CABLES1: variants seen among roughly 807,000 people sequenced by gnomAD.
CABLES1 encodes the protein CDK5 and ABL1 enzyme substrate 1.
CABLES1 carries 36 observed loss-of-function variants against 57.8 expected under a neutral mutation model. That is an observed-to-expected ratio of 0.62 (90% confidence interval 0.48 to 0.82). The LOEUF is 0.82. Among genes scored for constraint, CABLES1 ranks in the 40% least tolerant of loss-of-function variants. The probability of loss-of-function intolerance (pLI) is 0.00; values close to 1 mark genes in which losing one functional copy is unlikely to be tolerated. For synonymous variants in CABLES1, 374 were observed against 363.0 expected, an observed-to-expected ratio of 1.03 and a Z score of -0.35; for missense variants, 767 against 836.6, an observed-to-expected ratio of 0.92 and a Z score of 1.03.
At chr18:23,223,519 A>G (rs1474831455) in intron 4 of CABLES1, among the ~76,000 whole-genome samples, 1 of 149,440 alleles carries the variant, frequency 6.7e-6, no homozygotes, top group Non-Finnish European at 1.5e-5. Flanking sequence ...TGGAGGTTGC[A>G]GTGAGCCGAG....
Position 23,257,332 on chromosome 18 carries a change from A to G in CABLES1, c.1867A>G (p.Met623Val), listed in dbSNP as rs376909570. Reference sequence around the variant, plus strand: ...CCTCCACTTGCCCGAGCACGAAGTCATGCCCCACTACAGACGGCTGGTCCA... The same window carrying G: ...CCTCCACTTGCCCGAGCACGAAGTCGTGCCCCACTACAGACGGCTGGTCCA... ...FALHLPEHEV[M>V]PHYRRLVQSS Residue 623 changes from methionine to valine, a missense_variant, in exon 10 of 10, where the codon ATG (methionine) becomes GTG (valine). Around this residue, in one of 4 missense-constraint regions of CABLES1, gnomAD observed 25 missense variants for 23.1 expected, o/e 1.08. Coordinates refer to ENST00000256925, the MANE Select transcript of CABLES1 (RefSeq NM_001100619.3). 3.1e-6 allele frequency: 5 copies of G among 1,613,496 alleles called. No individual in the cohort carries two copies. Among genetic ancestry groups the G allele is most frequent in the Non-Finnish European group, 4.2e-6 (5 of 1,179,892 alleles).
At chr18:23,155,964 GA>G in intron 1 of CABLES1, 1 of 1,614,222 alleles carries the variant, frequency 6.2e-7, no homozygotes, top group Admixed American at 1.7e-5. Flanking sequence ...TAAGTTGTCA[GA>G]GGATCGCCTG....
chr18:23,181,420 C>G (rs188634427), intron 1 of CABLES1, among the ~76,000 whole-genome samples: 1 of 126,750 alleles, frequency 7.9e-6, no homozygotes, highest in Non-Finnish European at 1.6e-5. Context: ...TGCTTGAACC[C>G]GGGAGGTAGA....
At chr18:23,194,579 G>A (rs774907328) in intron 3 of CABLES1, 39 bp downstream of exon 3, 1 of 1,340,404 alleles carries the variant, frequency 7.5e-7, no homozygotes, top group Non-Finnish European at 1.1e-6. Flanking sequence ...AGCACCAGTG[G>A]GTGGAGACAG....
At chr18:23,210,376 T>C (rs1269146397) in intron 3 of CABLES1, among the ~76,000 whole-genome samples, 1 of 152,178 alleles carries the variant, frequency 6.6e-6, no homozygotes, top group African/African-American at 2.4e-5. Context: ...ACCGCCGTGG[T>C]TGGAGGCAAA....
chr18:23,235,810 G>T, intron 5 of CABLES1, 85 bp from the exon 6 acceptor site: 1 of 1,287,444 alleles, frequency 7.8e-7, no homozygotes, highest in South Asian at 1.3e-5. Flanking sequence ...ACCTGAATGT[G>T]GGGTGACAAC....
chr18:23,173,429 A>G (rs903389900), intron 1 of CABLES1, among the ~76,000 whole-genome samples: 1 of 152,234 alleles, frequency 6.6e-6, no homozygotes, highest in Admixed American at 6.5e-5. Flanking sequence ...AAGCTTCAGT[A>G]AAAGGAAATT....
chr18:23,136,646 C>T (rs772023920), intron 1 of CABLES1, 39 bp downstream of exon 1: 27 of 1,262,536 alleles, frequency 2.1e-5, no homozygotes, highest in Non-Finnish European at 2.8e-5. Context: ...AACCCTGCGT[C>T]CCGCCCGGCG....
chr18:23,223,302 G>C (rs75226306), intron 4 of CABLES1, among the ~76,000 whole-genome samples: 6,893 of 152,160 alleles, frequency 0.045, 559 homozygotes, highest in Admixed American at 0.21. Context: ...ATTTTTGGTT[G>C]GGTGCGGTGG....
At position 23,135,867 on chromosome 18, in the gene CABLES1, C is replaced by CCAGCCT; in HGVS notation, c.111_116dup (p.Gln38_Pro39dup). The CCAGCCT allele has an allele frequency of 9.8e-7, 1 of 1,024,562 alleles. No individual in the cohort carries two copies. The highest frequency in any genetic ancestry group is 4.3e-5 in the South Asian group (1 of 23,152). 63.5% of individuals were successfully genotyped at this position (1,024,562 alleles called of 1,614,324 possible). ...GATTGCAGCAGCCGCCGCCGCAGCC[C>CCAGCCT]CAGCCTCAGCCCGCGGCCGCCGCGC... On this transcript the variant is annotated inframe_insertion, in exon 1 of 10. Coordinates refer to ENST00000256925, the MANE Select transcript of CABLES1 (RefSeq NM_001100619.3).
At chr18:23,182,641 C>T (rs562273633) in intron 1 of CABLES1, among the ~76,000 whole-genome samples, 9 of 152,354 alleles carry the variant, frequency 5.9e-5, no homozygotes, top group South Asian at 2.1e-4. Flanking sequence ...CATCAATCTA[C>T]GCTACTTTCT....
chr18:23,151,580 A>G (rs1481860256), intron 1 of CABLES1, among the ~76,000 whole-genome samples: 2 of 152,152 alleles, frequency 1.3e-5, no homozygotes, highest in Non-Finnish European at 2.9e-5. Context: ...CTCTTGAGTA[A>G]TCCACCGACA....
intron 1 of CABLES1, among the ~76,000 whole-genome samples, chr18:23,178,993 A>G (rs1430539248): frequency 2.6e-5 from 4 of 152,170 alleles, no homozygotes; most frequent in Non-Finnish European, 5.9e-5. Flanking sequence ...CAGATTCAAA[A>G]CCAGTTTCTT....
In CABLES1 at chr18:23,252,998, G is replaced by T; in HGVS notation, c.1485G>T (p.Lys495Asn). 4.3e-6 allele frequency: 7 copies of T among 1,613,816 alleles called. No homozygotes were observed. The highest frequency in any genetic ancestry group is 5.9e-6 in the Non-Finnish European group (7 of 1,179,742). Reference sequence around the variant, plus strand: ...ACTACGTGAAGCCCTCGGATCTCAAGAAGGACATGAACGAGACCTTCAAGG... The same window carrying T: ...ACTACGTGAAGCCCTCGGATCTCAATAAGGACATGAACGAGACCTTCAAGG... ...VIDYVKPSDLKKDMNETFKEK... is the reference protein window; with the variant it reads ...VIDYVKPSDLNKDMNETFKEK... Residue 495 changes from lysine to asparagine, a missense_variant, in exon 8 of 10, where the codon AAG becomes AAT. Around this residue, in one of 4 missense-constraint regions of CABLES1, gnomAD observed 529 missense variants for 622.8 expected, o/e 0.85. Transcript: ENST00000256925.
At chr18:23,146,907 C>G (rs1378950564) in intron 1 of CABLES1, among the ~76,000 whole-genome samples, 3 of 152,196 alleles carry the variant, frequency 2.0e-5, no homozygotes, top group Admixed American at 2.0e-4. Context: ...CTTCCAGTCT[C>G]AAATCTTCTA....
intron 7 of CABLES1, among the ~76,000 whole-genome samples, chr18:23,239,205 C>T (rs2047676259): frequency 6.6e-6 from 1 of 152,168 alleles, no homozygotes; most frequent in African/African-American, 2.4e-5. Flanking sequence ...GAAGACTTGC[C>T]AAGTCAGCAT....
At chr18:23,170,761 T>C (rs2047076355) in intron 1 of CABLES1, among the ~76,000 whole-genome samples, 1 of 152,154 alleles carries the variant, frequency 6.6e-6, no homozygotes, top group Non-Finnish European at 1.5e-5. Flanking sequence ...TCCCACAGTG[T>C]TGGCTGCAAA....
intron 7 of CABLES1, among the ~76,000 whole-genome samples, chr18:23,240,784 C>T (rs954301111): frequency 6.6e-6 from 1 of 152,230 alleles, no homozygotes; most frequent in African/African-American, 2.4e-5. Flanking sequence ...CTGGGACTGT[C>T]CTCCCCTGTT....
intron 4 of CABLES1, among the ~76,000 whole-genome samples, chr18:23,225,298 T>C (rs904120815): frequency 2.0e-5 from 3 of 152,246 alleles, no homozygotes; most frequent in Non-Finnish European, 4.4e-5. Context: ...TTTTATTCAG[T>C]CTTTTTTTCC....
Sources: gnomAD v4.1 joint callset for allele counts (sites outside exome capture counted in the v4.1 genomes callset) on GRCh38, gnomAD v4.1.1 for gene constraint, gnomAD v4.1.1 regional missense constraint, MANE v1.5 for transcripts, NCBI Gene and HGNC (gene_info 2026-07-23, HGNC 2026-07-21) for gene names.